The following KIAA1549 variants were observed in gnomAD, a reference collection of about 807,000 sequenced individuals.
KIAA1549 encodes UPF0606 protein KIAA1549.
Under a neutral mutation model 156.4 loss-of-function variants are expected in KIAA1549, and 70 were observed. The ratio of observed to expected loss-of-function variants is 0.45; its 90% CI spans 0.37 to 0.55. The LOEUF (loss-of-function observed/expected upper bound fraction) is 0.55, where lower values mean the gene tolerates loss of function less well. KIAA1549 is among the 20% of genes least tolerant of loss of function. The pLI is 0.00. For missense variants in KIAA1549, 2,428 were observed against 2,540.9 expected (o/e 0.96, Z 0.96); for synonymous variants, 1,103 against 1,066.4 (o/e 1.03, Z -0.67).
At chr7:138,839,122 G>GGT (rs1425750013) in intron 19 of KIAA1549, among the ~76,000 whole-genome samples, 1 of 152,158 alleles carries the variant, frequency 6.6e-6, no homozygotes, top group Non-Finnish European at 1.5e-5. Flanking sequence ...GAGACTCTAA[G>GGT]TATAACAATG....
intron 16 of KIAA1549, among the ~76,000 whole-genome samples, chr7:138,853,505 T>C (rs920950755): frequency 3.9e-5 from 6 of 152,196 alleles, no homozygotes; most frequent in Non-Finnish European, 7.3e-5. Context: ...GGGGAAAAAG[T>C]AGAGGCTTTG....
Position 138,832,159 on chromosome 7 carries a change from CA to C in KIAA1549, c.*5746del. ...GGGACTGCAAGAGACTCAAGTCACT[CA>C]AAATTTCACCTCTGTCCCTTTTACC... On this transcript the variant is annotated 3_prime_UTR_variant, in exon 20 of 20. Transcript: ENST00000422774. The C allele has an allele frequency of 5.0e-6, 1 of 199,552 alleles. No individual in the cohort carries two copies. The highest frequency in any genetic ancestry group is 1.0e-5 in the Non-Finnish European group (1 of 98,364). The allele number at this position is 199,552 out of a possible 1,614,324, so 12.4% of individuals were successfully genotyped here. A position where few individuals can be genotyped will look rare whatever the true frequency, so the allele number is the denominator to read the frequency against.
intron 1 of KIAA1549, among the ~76,000 whole-genome samples, chr7:138,974,341 A>C (rs1156258487): frequency 6.6e-6 from 1 of 152,006 alleles, no homozygotes; most frequent in Non-Finnish European, 1.5e-5. Flanking sequence ...GAGTCCTGAA[A>C]GAGGGCAGGG....
At chr7:138,975,596 T>G (rs114188916) in intron 1 of KIAA1549, among the ~76,000 whole-genome samples, 16 of 152,264 alleles carry the variant, frequency 1.1e-4, no homozygotes, top group African/African-American at 3.6e-4. Context: ...AGGTAACTTG[T>G]CCATAGTCAC....
At chr7:138,960,324 T>C (rs1269506094) in intron 1 of KIAA1549, among the ~76,000 whole-genome samples, 9 of 151,980 alleles carry the variant, frequency 5.9e-5, no homozygotes, top group African/African-American at 1.9e-4. Flanking sequence ...TATTTATTTA[T>C]TTTGAGATGG....
At chr7:138,939,887 C>T (rs1160907526) in intron 1 of KIAA1549, among the ~76,000 whole-genome samples, 1 of 152,078 alleles carries the variant, frequency 6.6e-6, no homozygotes, top group Non-Finnish European at 1.5e-5. Context: ...TGGCTCACGC[C>T]TATAATCTCA....
intron 1 of KIAA1549, among the ~76,000 whole-genome samples, chr7:138,962,237 A>G (rs574162715): frequency 1.3e-5 from 2 of 152,328 alleles, no homozygotes; most frequent in South Asian, 2.1e-4. Flanking sequence ...TATGTCTACT[A>G]TCATCATCAT....
At chr7:138,939,303 T>C (rs1813105478) in intron 1 of KIAA1549, among the ~76,000 whole-genome samples, 1 of 152,196 alleles carries the variant, frequency 6.6e-6, no homozygotes, top group Admixed American at 6.5e-5. Flanking sequence ...CCTCAAAATA[T>C]TTTTGTATAA....
intron 18 of KIAA1549, among the ~76,000 whole-genome samples, chr7:138,844,089 C>G (rs939505694): frequency 1.3e-5 from 2 of 152,084 alleles, no homozygotes; most frequent in South Asian, 2.1e-4. Flanking sequence ...GGAAGCGTGC[C>G]GTGAATTTCA....
intron 1 of KIAA1549, among the ~76,000 whole-genome samples, chr7:138,922,387 A>T (rs1812589785): frequency 2.0e-5 from 3 of 152,216 alleles, no homozygotes; most frequent in African/African-American, 7.2e-5. Context: ...TACATAGGAA[A>T]GCAAAGTACC....
chr7:138,975,978 T>C (rs1329967955), intron 1 of KIAA1549, among the ~76,000 whole-genome samples: 5 of 152,184 alleles, frequency 3.3e-5, no homozygotes, highest in South Asian at 2.1e-4. Flanking sequence ...GGAGTGAGCA[T>C]TGAAAATGCA....
intron 5 of KIAA1549, among the ~76,000 whole-genome samples, chr7:138,908,650 T>C (rs1227985555): frequency 6.6e-6 from 1 of 152,238 alleles, no homozygotes; most frequent in South Asian, 2.1e-4. Flanking sequence ...CCGTTCTTAG[T>C]AGCTATATGG....
chr7:138,950,457 C>A (rs184334991), intron 1 of KIAA1549, among the ~76,000 whole-genome samples: 3 of 152,106 alleles, frequency 2.0e-5, no homozygotes, highest in South Asian at 4.1e-4. Context: ...TTCACTTAAG[C>A]GTGCAGGGAG....
chr7:138,844,492 C>A lies in KIAA1549; in HGVS notation c.5295-18G>T. 2 of 1,518,640 alleles carry A rather than the reference C, an allele frequency of 1.3e-6. No homozygotes were observed. Among genetic ancestry groups the A allele is most frequent in the South Asian group, 1.3e-5 (1 of 74,382 alleles). The allele number at this position is 1,518,640 out of a possible 1,614,324, so 94.1% of individuals were successfully genotyped here. On this transcript the variant is annotated intron_variant, in intron 17 of 19. Transcript: ENST00000422774. ...AACCTGGTCTGAAGGCAAAGCAAAC[C>A]AGCACATCAGGACTCCACTGCACCC... is the stretch of plus-strand genomic sequence containing the variant.
intron 10 of KIAA1549, among the ~76,000 whole-genome samples, chr7:138,882,858 G>A (rs549194776): frequency 1.3e-5 from 2 of 152,042 alleles, no homozygotes; most frequent in East Asian, 3.9e-4. Context: ...AGGGATACAA[G>A]CATCACCCCA....
At chr7:138,911,054 A>G in intron 4 of KIAA1549, 92 bp downstream of exon 4, 1 of 994,860 alleles carries the variant, frequency 1.0e-6, no homozygotes. Flanking sequence ...TCATAATAAT[A>G]AATTCTAAAA....
chr7:138,852,154 G>A (rs1810253130), intron 17 of KIAA1549, 69 bp downstream of exon 17: 2 of 1,034,380 alleles, frequency 1.9e-6, no homozygotes, highest in Admixed American at 2.1e-5. Flanking sequence ...TAAAATTAGT[G>A]AGTTTATAAA....
chr7:138,893,143 T>C (rs1811588485), intron 10 of KIAA1549, among the ~76,000 whole-genome samples: 1 of 152,206 alleles, frequency 6.6e-6, no homozygotes, highest in Non-Finnish European at 1.5e-5. Context: ...TCGAATACTA[T>C]GGAAACTGTT....
intron 1 of KIAA1549, among the ~76,000 whole-genome samples, chr7:138,965,370 TTG>T (rs1813988563): frequency 6.6e-6 from 1 of 152,210 alleles, no homozygotes; most frequent in African/African-American, 2.4e-5. Flanking sequence ...TTTGTATTTT[TTG>T]TAGAGATGGG....
Sources: gnomAD v4.1 joint callset for allele counts (sites outside exome capture counted in the v4.1 genomes callset) on GRCh38, gnomAD v4.1.1 for gene constraint, MANE v1.5 for transcripts, NCBI Gene and HGNC (gene_info 2026-07-23, HGNC 2026-07-21) for gene names.